Variants in IMPA1 observed in about 807,000 individuals in gnomAD.
IMPA1 encodes inositol monophosphatase 1, also known as D-galactose 1-phosphate phosphatase.
Under a neutral mutation model 34.9 loss-of-function variants are expected in IMPA1, and 21 were observed. The observed-to-expected ratio is 0.60, with a 90% CI of 0.43 to 0.87. The LOEUF (loss-of-function observed/expected upper bound fraction) is 0.87, where lower values mean the gene tolerates loss of function less well. IMPA1 is among the 40% of genes least tolerant of loss of function. The pLI is 0.00. For missense variants in IMPA1, 299 were observed against 336.4 expected, an observed-to-expected ratio of 0.89 and a Z score of 0.87; for synonymous variants, 95 against 104.4, an observed-to-expected ratio of 0.91 and a Z score of 0.55.
At position 81,659,272 on chromosome 8, in the gene IMPA1, T is replaced by C; in HGVS notation, c.*79A>G. On this transcript the variant is annotated 3_prime_UTR_variant, in exon 9 of 9. Transcript: ENST00000256108. ...AAGAGAATTTAAACCAAGCATATCATACATCCAAAACACATATCCATTGAT... is the reference window on the plus strand; with the variant it reads ...AAGAGAATTTAAACCAAGCATATCACACATCCAAAACACATATCCATTGAT... The C allele has an allele frequency of 4.9e-6, 4 of 812,956 alleles. No homozygotes were observed. Among genetic ancestry groups the C allele is most frequent in the Non-Finnish European group, 8.7e-6 (4 of 462,386 alleles). 50.4% of individuals were successfully genotyped at this position (812,956 alleles called of 1,614,324 possible).
intron 7 of IMPA1, among the ~76,000 whole-genome samples, chr8:81,662,124 A>T (rs1415543253): frequency 6.6e-6 from 1 of 152,208 alleles, no homozygotes; most frequent in Non-Finnish European, 1.5e-5. Context: ...GAAGCACATT[A>T]AATTTGAGAA....
chr8:81,662,194 AT>A (rs1440061103), intron 7 of IMPA1, among the ~76,000 whole-genome samples: 1 of 152,198 alleles, frequency 6.6e-6, no homozygotes, highest in Non-Finnish European at 1.5e-5. Context: ...ATAAAATCAA[AT>A]TAACTTTAGT....
chr8:81,662,655 CCATGT>C (rs143595622), intron 7 of IMPA1, among the ~76,000 whole-genome samples: 1,615 of 152,236 alleles, frequency 0.011, 20 homozygotes, highest in African/African-American at 0.036. Context: ...GAGTTTGCTC[CCATGT>C]CATGTCATCA....
At chr8:81,685,699 G>T in intron 1 of IMPA1, 4 of 715,374 alleles carry the variant, frequency 5.6e-6, no homozygotes, top group South Asian at 5.6e-5. Context: ...TATAATATAT[G>T]AATAGTTATA....
intron 4 of IMPA1, 125 bp from the exon 5 acceptor site, chr8:81,676,404 C>G (rs1158435193): frequency 2.1e-6 from 1 of 476,310 alleles, no homozygotes; most frequent in African/African-American, 2.0e-5. Context: ...CTCCACTCCC[C>G]ACAAAATCTA....
At chr8:81,684,177 A>C (rs1807395380) in intron 1 of IMPA1, among the ~76,000 whole-genome samples, 1 of 148,222 alleles carries the variant, frequency 6.7e-6, no homozygotes. Flanking sequence ...ACACATATAT[A>C]ATACAGTAAA....
At chr8:81,680,531 T>C in intron 3 of IMPA1, 119 bp downstream of exon 3, 1 of 732,482 alleles carries the variant, frequency 1.4e-6, no homozygotes, top group South Asian at 1.8e-5. Flanking sequence ...GACCAACACT[T>C]TGACTGTAAC....
At position 81,658,678 on chromosome 8, in the gene IMPA1, TA is replaced by T. The variant is rs1806583342; in HGVS notation, c.*672del. 6.6e-6 allele frequency: 1 copy of T among 152,614 alleles called. No homozygotes were observed. The highest frequency in any genetic ancestry group is 6.6e-5 in the Admixed American group (1 of 15,262). The allele number at this position is 152,614 out of a possible 1,614,324, so 9.5% of individuals were successfully genotyped here. A position where few individuals can be genotyped will look rare whatever the true frequency, so the allele number is the denominator to read the frequency against. ...GGTATGGTAATGTGAAATGGCATGG[TA>T]ACGTGAAATAAAAAAAATTTAACTA... is the stretch of plus-strand genomic sequence containing the variant. On this transcript the variant is annotated 3_prime_UTR_variant, in exon 9 of 9. Transcript: ENST00000256108.
At chr8:81,680,340 C>T (rs1347577173) in intron 3 of IMPA1, among the ~76,000 whole-genome samples, 2 of 152,122 alleles carry the variant, frequency 1.3e-5, no homozygotes, top group African/African-American at 2.4e-5. Context: ...TCCTGTGCCA[C>T]CTGCTCTGGA....
intron 1 of IMPA1, among the ~76,000 whole-genome samples, chr8:81,684,492 T>G (rs1175607186): frequency 2.8e-5 from 4 of 142,134 alleles, no homozygotes; most frequent in African/African-American, 1.1e-4. Flanking sequence ...TACTACAGTA[T>G]ACTACACATA....
intron 7 of IMPA1, among the ~76,000 whole-genome samples, chr8:81,664,492 C>A (rs1332260090): frequency 1.3e-5 from 2 of 152,140 alleles, no homozygotes; most frequent in African/African-American, 4.8e-5. Flanking sequence ...GGAACAAAGA[C>A]AAAACCACCC....
At chr8:81,685,520 T>C (rs1807486894) in intron 1 of IMPA1, among the ~76,000 whole-genome samples, 2 of 145,198 alleles carry the variant, frequency 1.4e-5, no homozygotes, top group African/African-American at 5.0e-5. Context: ...AGTATATTTC[T>C]GTACTATATA....
intron 7 of IMPA1, among the ~76,000 whole-genome samples, chr8:81,669,363 T>C (rs1351703217): frequency 6.6e-6 from 1 of 152,196 alleles, no homozygotes; most frequent in South Asian, 2.1e-4. Flanking sequence ...AGTAGCCATA[T>C]GGGCTGTACC....
At chr8:81,684,612 A>ATATATATACTACACATAAG (rs1190391098) in intron 1 of IMPA1, among the ~76,000 whole-genome samples, 15,618 of 52,908 alleles carry the variant, frequency 0.3, 2,591 homozygotes, top group East Asian at 0.71. Context: ...TATATCTAGT[A>ATATATATACTACACATAAG]TATATATACT....
In IMPA1 at chr8:81,658,098, T is replaced by C. The variant is rs1327623667; in HGVS notation, c.*1253A>G. 3 of 150,904 alleles carry C rather than the reference T, an allele frequency of 2.0e-5. No individual in the cohort carries two copies. The highest frequency in any genetic ancestry group is 4.4e-5 in the Non-Finnish European group (3 of 68,028). 9.3% of individuals were successfully genotyped at this position (150,904 alleles called of 1,614,324 possible). A position where few individuals can be genotyped will look rare whatever the true frequency, so the allele number is the denominator to read the frequency against. On this transcript the variant is annotated 3_prime_UTR_variant, in exon 9 of 9. Transcript: ENST00000256108. The stretch of plus-strand genomic sequence containing the variant: ...AGCAGTCAAACCTTAGTATCACACA[T>C]ACTTAATATATTAGATATACACAAT...
intron 5 of IMPA1, chr8:81,674,454 G>A (rs1585897512): frequency 4.2e-6 from 1 of 235,520 alleles, no homozygotes; most frequent in Non-Finnish European, 8.5e-6. Flanking sequence ...TGTGGCTTCT[G>A]CCCTGATCAC....
chr8:81,682,127 C>T (rs1807318043), intron 1 of IMPA1, among the ~76,000 whole-genome samples: 1 of 151,808 alleles, frequency 6.6e-6, no homozygotes, highest in Non-Finnish European at 1.5e-5. Flanking sequence ...TCTATTATAA[C>T]ATTCTGAGAA....
chr8:81,684,604 TATCTA>T (rs1347977513), intron 1 of IMPA1, among the ~76,000 whole-genome samples: 7 of 78,342 alleles, frequency 8.9e-5, no homozygotes, highest in African/African-American at 2.5e-4. Context: ...TAGATATATA[TATCTA>T]GTATATATAT....
Position 81,658,982 on chromosome 8 carries a change from C to T in IMPA1, c.*369G>A. 5.0e-6 allele frequency: 1 copy of T among 200,804 alleles called. No individual in the cohort carries two copies. The highest frequency in any genetic ancestry group is 9.9e-6 in the Non-Finnish European group (1 of 100,934). The allele number at this position is 200,804 out of a possible 1,614,324, so 12.4% of individuals were successfully genotyped here. A position where few individuals can be genotyped will look rare whatever the true frequency, so the allele number is the denominator to read the frequency against. On this transcript the variant is annotated 3_prime_UTR_variant, in exon 9 of 9. Transcript: ENST00000256108. ...TTGAAACTAAAGAGAAATGTTTTTC[C>T]AAACAGTTAACTTTCTAAGTGGGTG...
Sources: gnomAD v4.1 joint callset for allele counts (sites outside exome capture counted in the v4.1 genomes callset) on GRCh38, gnomAD v4.1.1 for gene constraint, MANE v1.5 for transcripts, NCBI Gene and HGNC (gene_info 2026-07-23, HGNC 2026-07-21) for gene names.